The following RBAK variants were observed in gnomAD, a reference collection of about 807,000 sequenced individuals.
The protein encoded by RBAK is RB associated KRAB zinc finger, also known as RB-associated KRAB zinc finger protein.
A neutral mutation model predicts 65.8 loss-of-function variants in RBAK; 39 were observed. The ratio of observed to expected loss-of-function variants is 0.59; its 90% CI spans 0.46 to 0.77. RBAK has a LOEUF of 0.77. RBAK is among the 30% of genes least tolerant of loss of function. The pLI is 0.00. For synonymous variants in RBAK, 343 were observed against 289.7 expected, an observed-to-expected ratio of 1.18 and a Z score of -1.87; for missense variants, 884 against 855.1, an observed-to-expected ratio of 1.03 and a Z score of -0.42.
At chr7:5,054,447 T>C (rs975505787) in intron 2 of RBAK, among the ~76,000 whole-genome samples, 13 of 151,488 alleles carry the variant, frequency 8.6e-5, no homozygotes, top group Non-Finnish European at 1.9e-4. Flanking sequence ...ATGTTCTCCG[T>C]TTTATTTTTC....
At chr7:5,046,829 A>T (rs541473133) in intron 1 of RBAK, among the ~76,000 whole-genome samples, 1 of 152,232 alleles carries the variant, frequency 6.6e-6, no homozygotes, top group South Asian at 2.1e-4. Flanking sequence ...TGCTAGGGGA[A>T]GAGACTGGGC....
intron 4 of RBAK, among the ~76,000 whole-genome samples, chr7:5,063,123 T>C (rs1779118151): frequency 6.6e-6 from 1 of 152,216 alleles, no homozygotes. Context: ...CCGTGAAATC[T>C]TCACAATTTA....
rs1562542781 is a variant in RBAK at position 5,066,678 on chromosome 7, G to T, written c.*1077G>T. 6.6e-6 allele frequency: 1 copy of T among 152,052 alleles called. No homozygotes were observed. The highest frequency in any genetic ancestry group is 1.5e-5 in the Non-Finnish European group (1 of 67,988). 9.4% of individuals were successfully genotyped at this position (152,052 alleles called of 1,614,324 possible). ...TTCAAGTTTCTAGCAGATATTTTTTGATCAATTAACTTAATGTCCTCGCTC... is the reference window on the plus strand; with the variant it reads ...TTCAAGTTTCTAGCAGATATTTTTTTATCAATTAACTTAATGTCCTCGCTC... On this transcript the variant is annotated 3_prime_UTR_variant, in exon 5 of 5. Transcript: ENST00000396912.
Position 5,065,408 on chromosome 7 carries a change from A to G in RBAK, c.1952A>G (p.Tyr651Cys), listed in dbSNP as rs1318530864. The change falls in exon 5 of 5, where the codon TAT becomes TGT. Residue 651 changes from tyrosine to cysteine, a missense_variant. By Grantham distance (194) the Tyr-to-Cys change is radical (BLOSUM62 -2). Coordinates refer to ENST00000396912, the MANE Select transcript of RBAK (RefSeq NM_021163.4). The surrounding 1 kb of genome is among the most constrained non-coding windows in gnomAD (Gnocchi z 5.3). ...AGAAGCCATTCAGGAGAGAAACCCTATGAATGTAATGAATGTGGGAAAGTC... is the reference window on the plus strand; with the variant it reads ...AGAAGCCATTCAGGAGAGAAACCCTGTGAATGTAATGAATGTGGGAAAGTC... ...HYRSHSGEKP[Y>C]ECNECGKVFS... 1.9e-6 allele frequency: 3 copies of G among 1,613,834 alleles called. No homozygotes were observed. The highest frequency in any genetic ancestry group is 1.7e-5 in the Admixed American group (1 of 59,998).
Position 5,052,581 on chromosome 7 carries a change from T to C in RBAK, c.15+4490T>C, listed in dbSNP as rs1788139591. On this transcript the variant is annotated intron_variant, in intron 2 of 4. Transcript: ENST00000396912. ...ATGCAACTTTAATTATCATAGTTTA[T>C]TCTTAAGTGATATACCATTTTTCTT... is the stretch of plus-strand genomic sequence containing the variant. 2.0e-5 allele frequency among the ~76,000 whole-genome samples: 3 copies of C among 152,242 alleles called. No homozygotes were observed. In the South Asian group the frequency reaches 6.2e-4, roughly 31 times the overall value.
intron 2 of RBAK, among the ~76,000 whole-genome samples, chr7:5,050,549 C>T (rs1788093000): frequency 6.6e-6 from 1 of 152,116 alleles, no homozygotes; most frequent in African/African-American, 2.4e-5. Flanking sequence ...GCTAATTCTA[C>T]CATTTCTTCT....
Position 5,046,716 on chromosome 7 carries a change from T to C in RBAK, c.-45+320T>C, listed in dbSNP as rs576749792. On this transcript the variant is annotated intron_variant, in intron 1 of 4. Coordinates refer to ENST00000396912, the MANE Select transcript of RBAK (RefSeq NM_021163.4). ...TCCTCTAAACGTCCGTCAGCGCCTC[T>C]GTTCTCTCATTTAAGTGTCTGCTGA... 4.6e-5 allele frequency among the ~76,000 whole-genome samples: 7 copies of C among 152,330 alleles called. No homozygotes were observed. The South Asian group carries it at 1.4e-3, about 32-fold the overall frequency.
chr7:5,065,109 G>T lies in RBAK; in HGVS notation c.1653G>T (p.Leu551Phe), dbSNP rs770182530. ...TATGTGGAAAGTTATTCAATGAGTT[G>T]TCATACTATACTGAACATTATAGAA... ...CNVCGKLFNE[L>F]SYYTEHYRSH... The change falls in exon 5 of 5, where the codon TTG (leucine) becomes TTT (phenylalanine). Residue 551 changes from leucine (L) to phenylalanine (F), a missense_variant. Coordinates refer to ENST00000396912, the MANE Select transcript of RBAK (RefSeq NM_021163.4). This position sits in a 1 kb window ranked among gnomAD's most constrained non-coding sequence, Gnocchi z 5.3. 5.6e-6 allele frequency: 9 copies of T among 1,613,884 alleles called. No homozygotes were observed. Among genetic ancestry groups the T allele is most frequent in the African/African-American group, 1.3e-5 (1 of 74,910 alleles).
intron 4 of RBAK, among the ~76,000 whole-genome samples, chr7:5,061,714 A>G (rs1207391740): frequency 6.6e-6 from 1 of 151,766 alleles, no homozygotes; most frequent in African/African-American, 2.4e-5. Flanking sequence ...TCTGGGCAAC[A>G]TGGTGAAGCC....
intron 4 of RBAK, among the ~76,000 whole-genome samples, chr7:5,059,506 A>T (rs12534680): frequency 0.017 from 2,553 of 150,134 alleles, 97 homozygotes; most frequent in Admixed American, 0.096. Flanking sequence ...ATTTTTATTA[A>T]AAAAAAAACC....
chr7:5,059,424 G>T (rs1045502134), intron 4 of RBAK, among the ~76,000 whole-genome samples: 1 of 151,702 alleles, frequency 6.6e-6, no homozygotes, highest in East Asian at 1.9e-4. Context: ...AGGTTCAAGC[G>T]ATTCCCCTGC....
rs1473518587 is a variant in RBAK, at chr7:5,065,027, C to T, written c.1571C>T (p.Ser524Leu). 18 of 1,613,878 alleles carry T rather than the reference C, an allele frequency of 1.1e-5. No individual in the cohort carries two copies. The highest frequency in any genetic ancestry group is 1.4e-5 in the Non-Finnish European group (16 of 1,179,890). ...TGTGGGAAAACCTTCCTTGTAAATTCAGCCTTCGATGGGCACCAGCCACTT... is the reference window on the plus strand; with the variant it reads ...TGTGGGAAAACCTTCCTTGTAAATTTAGCCTTCGATGGGCACCAGCCACTT... ...NECGKTFLVN[S>L]AFDGHQPLPK... is the part of the protein sequence containing the mutation. The change falls in exon 5 of 5, where the codon TCA becomes TTA. Residue 524 changes from serine (S) to leucine (L), a missense_variant. Coordinates refer to ENST00000396912, the MANE Select transcript of RBAK (RefSeq NM_021163.4). The surrounding 1 kb of genome is among the most constrained non-coding windows in gnomAD (Gnocchi z 5.3).
intron 1 of RBAK, among the ~76,000 whole-genome samples, chr7:5,046,689 C>T (rs941839938): frequency 6.6e-6 from 1 of 152,216 alleles, no homozygotes; most frequent in Non-Finnish European, 1.5e-5. Context: ...CAGATTTCGA[C>T]CTCCTCTAAA....
At position 5,064,418 on chromosome 7, in the gene RBAK, A is replaced by C. The variant is rs770544482; in HGVS notation, c.962A>C (p.Glu321Ala). The change falls in exon 5 of 5, where the codon GAA becomes GCA. Residue 321 changes from glutamate (E) to alanine (A), a missense_variant. By Grantham distance (107) the Glu-to-Ala change is moderately radical. Coordinates refer to ENST00000396912, the MANE Select transcript of RBAK (RefSeq NM_021163.4). This position sits in a 1 kb window ranked among gnomAD's most constrained non-coding sequence, Gnocchi z 6.3. ...HLEEKPYKCN[E>A]CGKTFCQKLH... Reference sequence around the variant, plus strand: ...GAGGAGAAGCCCTATAAATGTAATGAATGTGGGAAAACCTTTTGTCAGAAG... The same window carrying C: ...GAGGAGAAGCCCTATAAATGTAATGCATGTGGGAAAACCTTTTGTCAGAAG... 56 of 1,614,032 alleles carry C rather than the reference A, an allele frequency of 3.5e-5. No individual in the cohort carries two copies. Among genetic ancestry groups the C allele is most frequent in the Non-Finnish European group, 4.7e-5 (55 of 1,180,010 alleles).
chr7:5,056,104 C>CTT (rs887932671), intron 2 of RBAK, among the ~76,000 whole-genome samples: 1,621 of 107,818 alleles, frequency 0.015, 43 homozygotes, highest in Non-Finnish European at 0.021. Flanking sequence ...TTGCATTTTT[C>CTT]TTTTTTTTTT....
intron 2 of RBAK, among the ~76,000 whole-genome samples, chr7:5,052,895 G>C (rs956249116): frequency 6.6e-6 from 1 of 152,042 alleles, no homozygotes. Context: ...GGGTAGCTGG[G>C]ATTACAGACA....
intron 4 of RBAK, among the ~76,000 whole-genome samples, chr7:5,062,866 C>T (rs1779111126): frequency 6.6e-6 from 1 of 152,202 alleles, no homozygotes; most frequent in Non-Finnish European, 1.5e-5. Flanking sequence ...CTCTGTTCCA[C>T]CCGGCTCACC....
intron 2 of RBAK, among the ~76,000 whole-genome samples, chr7:5,056,217 C>T (rs1583456911): frequency 6.6e-6 from 1 of 150,984 alleles, no homozygotes; most frequent in South Asian, 2.1e-4. Context: ...AAGTGATCCT[C>T]CTGCCTTAGC....
intron 1 of RBAK, among the ~76,000 whole-genome samples, chr7:5,046,986 C>A (rs1057080001): frequency 6.6e-6 from 1 of 152,152 alleles, no homozygotes; most frequent in Non-Finnish European, 1.5e-5. Flanking sequence ...CAGCAATAAC[C>A]AAGTTCAGTT....
Sources: allele counts gnomAD v4.1 joint callset (sites outside exome capture counted in the v4.1 genomes callset), GRCh38; gene constraint gnomAD v4.1.1; non-coding constraint Gnocchi (gnomAD v3.1); transcripts MANE v1.5; gene names NCBI Gene and HGNC (gene_info 2026-07-23, HGNC 2026-07-21).